The following COMMD1 variants were observed in gnomAD, a reference collection of about 807,000 sequenced individuals.
The protein encoded by COMMD1 is copper metabolism domain containing 1, also known as COMM domain-containing protein 1.
Under a neutral mutation model 17.2 loss-of-function variants are expected in COMMD1, and 10 were observed. That is an observed-to-expected ratio of 0.58 (90% CI 0.36 to 0.99). The LOEUF is 0.99. Ranked by LOEUF, COMMD1 falls within the 50% of genes least tolerant of loss-of-function variation. The probability of loss-of-function intolerance (pLI) is 0.01; values close to 1 mark genes in which losing one functional copy is unlikely to be tolerated. For missense variants in COMMD1, 270 were observed against 231.8 expected (o/e 1.17, Z -1.07); for synonymous variants, 97 against 91.6 (o/e 1.06, Z -0.34).
At chr2:62,012,699 T>G (rs977766161) in intron 2 of COMMD1, among the ~76,000 whole-genome samples, 1 of 152,150 alleles carries the variant, frequency 6.6e-6, no homozygotes, top group Non-Finnish European at 1.5e-5. Flanking sequence ...TTTCCATTTT[T>G]TCAGCCCGCT....
chr2:62,016,460 C>T lies in COMMD1; in HGVS notation c.462+15478C>T, dbSNP rs145493361. ...CCTGGGCTGAAGCAAGCCACTGCCT[C>T]GGCCTTGCAAAGTGCTGGGATTATA... On this transcript the variant is annotated intron_variant, in intron 2 of 2. Transcript: ENST00000311832. Among the ~76,000 whole-genome samples, 1,407 of 149,656 alleles carry T rather than the reference C, an allele frequency of 9.4e-3. 30 individuals are homozygous for T. The highest frequency in any genetic ancestry group is 0.032 in the African/African-American group (1,312 of 40,772).
chr2:61,985,041 CTT>C (rs61613631), intron 1 of COMMD1, among the ~76,000 whole-genome samples: 31 of 134,170 alleles, frequency 2.3e-4, no homozygotes, highest in Admixed American at 3.0e-4. Context: ...CTATGTGTGT[CTT>C]TTTTTTTTTT....
chr2:61,914,119 C>T (rs1025685259), intron 1 of COMMD1, among the ~76,000 whole-genome samples: 3 of 151,824 alleles, frequency 2.0e-5, no homozygotes, highest in Non-Finnish European at 2.9e-5. Flanking sequence ...TTGCAGTGAG[C>T]GGAGATTGCG....
At chr2:61,931,371 A>G (rs1453182411) in intron 1 of COMMD1, among the ~76,000 whole-genome samples, 1 of 152,086 alleles carries the variant, frequency 6.6e-6, no homozygotes, top group Non-Finnish European at 1.5e-5. Context: ...GGCTTGGGAA[A>G]CCAATATGCT....
At chr2:61,909,222 G>T (rs1397573443) in intron 1 of COMMD1, among the ~76,000 whole-genome samples, 1 of 152,136 alleles carries the variant, frequency 6.6e-6, no homozygotes, top group African/African-American at 2.4e-5. Context: ...CACCGCGCCT[G>T]GCACAAACAT....
At chr2:61,950,593 A>G (rs1489698556) in intron 1 of COMMD1, among the ~76,000 whole-genome samples, 2 of 152,212 alleles carry the variant, frequency 1.3e-5, no homozygotes, top group African/African-American at 4.8e-5. Flanking sequence ...TTTCGCTTAA[A>G]GGAAGCACTT....
chr2:61,912,589 G>A (rs1227713812), intron 1 of COMMD1, among the ~76,000 whole-genome samples: 3 of 152,160 alleles, frequency 2.0e-5, no homozygotes, highest in Admixed American at 6.6e-5. Context: ...ACAAAAATTA[G>A]CTGGGTGTGG....
intron 1 of COMMD1, among the ~76,000 whole-genome samples, chr2:61,972,443 G>C (rs1671675790): frequency 6.6e-6 from 1 of 152,138 alleles, no homozygotes; most frequent in African/African-American, 2.4e-5. Flanking sequence ...TATTCTTATG[G>C]GTGAGTTGTG....
intron 2 of COMMD1, among the ~76,000 whole-genome samples, chr2:62,115,231 A>C (rs977207224): frequency 6.6e-6 from 1 of 152,246 alleles, no homozygotes; most frequent in African/African-American, 2.4e-5. Context: ...ATTTCTGTTT[A>C]TGTCTGTATG....
At chr2:62,001,180 C>T (rs1325133462) in intron 2 of COMMD1, 198 bp downstream of exon 2, 1 of 589,188 alleles carries the variant, frequency 1.7e-6, no homozygotes, top group East Asian at 3.0e-5. Flanking sequence ...GCCTCAGGGT[C>T]CTGGCAGCTG....
At chr2:62,013,912 ATGT>A (rs753130755) in intron 2 of COMMD1, among the ~76,000 whole-genome samples, 9 of 152,192 alleles carry the variant, frequency 5.9e-5, no homozygotes, top group Non-Finnish European at 1.2e-4. Context: ...AGTTAAGAAG[ATGT>A]TGTTTGTGCT....
chr2:61,902,890 T>C (rs1451783794), upstream of COMMD1, among the ~76,000 whole-genome samples: 1 of 152,150 alleles, frequency 6.6e-6, no homozygotes, highest in Non-Finnish European at 1.5e-5. Context: ...CAGTCAGTGT[T>C]ACTAAGGTTT....
At chr2:62,002,905 A>G (rs183996343) in intron 2 of COMMD1, among the ~76,000 whole-genome samples, 4 of 152,136 alleles carry the variant, frequency 2.6e-5, no homozygotes, top group Non-Finnish European at 5.9e-5. Flanking sequence ...AAGTAGTGCT[A>G]CTTGTACTTG....
At chr2:61,997,577 C>T (rs1280194924) in intron 1 of COMMD1, among the ~76,000 whole-genome samples, 2 of 152,092 alleles carry the variant, frequency 1.3e-5, no homozygotes, top group Non-Finnish European at 2.9e-5. Flanking sequence ...AAATATTAAG[C>T]GCACTGTGAA....
intron 2 of COMMD1, among the ~76,000 whole-genome samples, chr2:62,011,132 T>G (rs1265730011): frequency 6.6e-6 from 1 of 152,246 alleles, no homozygotes; most frequent in East Asian, 1.9e-4. Context: ...TTTTGTTTTT[T>G]TTAATCACCT....
chr2:61,988,615 T>C (rs1196726243), intron 1 of COMMD1, among the ~76,000 whole-genome samples: 1 of 152,178 alleles, frequency 6.6e-6, no homozygotes, highest in African/African-American at 2.4e-5. Context: ...TGAGCTGTGC[T>C]GCCTGGGGTT....
At chr2:62,032,522 C>T (rs558790020) in intron 2 of COMMD1, among the ~76,000 whole-genome samples, 49 of 152,202 alleles carry the variant, frequency 3.2e-4, no homozygotes, top group Admixed American at 9.2e-4. Context: ...GATGACAGAG[C>T]GAGACCCTGT....
chr2:62,075,693 C>CTA (rs1278731085), intron 2 of COMMD1, among the ~76,000 whole-genome samples: 2 of 152,190 alleles, frequency 1.3e-5, no homozygotes, highest in African/African-American at 4.8e-5. Flanking sequence ...TGGCCCTAGA[C>CTA]CTCTGGCTCC....
rs530764081 is a variant in COMMD1, at chr2:62,023,670, A to G, written c.462+22688A>G. On this transcript the variant is annotated intron_variant, in intron 2 of 2. Coordinates refer to ENST00000311832, the MANE Select transcript of COMMD1 (RefSeq NM_152516.4). ...GGCTAATTTTTTGTATTTTTAGTAG[A>G]GACGGGGTTTCACCATGTTGGCCAG... Among the ~76,000 whole-genome samples the G allele has an allele frequency of 2.0e-5, 3 of 152,220 alleles. No individual in the cohort carries two copies. The South Asian group carries it at 6.2e-4, about 32-fold the overall frequency.
Sources: allele counts gnomAD v4.1 joint callset (sites outside exome capture counted in the v4.1 genomes callset), GRCh38; gene constraint gnomAD v4.1.1; transcripts MANE v1.5; gene names NCBI Gene and HGNC (gene_info 2026-07-23, HGNC 2026-07-21).